The following FBXO31 variants were observed in gnomAD, a reference collection of about 807,000 sequenced individuals.
The protein encoded by FBXO31 is F-box only protein 31.
Under a neutral mutation model 54.4 loss-of-function variants are expected in FBXO31, and 24 were observed. That is an observed-to-expected ratio of 0.44 (90% CI 0.32 to 0.62). The LOEUF (loss-of-function observed/expected upper bound fraction) is 0.62. FBXO31 is among the 20% of genes least tolerant of loss of function. FBXO31 has a pLI of 0.05. For synonymous variants in FBXO31, 388 were observed against 335.6 expected (o/e 1.16, Z -1.71); for missense variants, 665 against 787.1 (o/e 0.84, Z 1.86).
chr16:87,339,891 T>C (rs1597360573), intron 5 of FBXO31, among the ~76,000 whole-genome samples: 1 of 152,158 alleles, frequency 6.6e-6, no homozygotes, highest in South Asian at 2.1e-4. Context: ...TCCCAACACT[T>C]TGGGAGGCTG....
chr16:87,380,995 C>A (rs911502866), intron 1 of FBXO31, among the ~76,000 whole-genome samples: 3 of 152,186 alleles, frequency 2.0e-5, no homozygotes, highest in Admixed American at 1.3e-4. Context: ...AACAAACCCC[C>A]CAGAGGTCAC....
In FBXO31 at chr16:87,335,783, T is replaced by A. The variant is rs181757344; in HGVS notation, c.843-326A>T. Among the ~76,000 whole-genome samples the A allele has an allele frequency of 2.0e-4, 31 of 152,066 alleles. No homozygotes were observed. Among genetic ancestry groups the A allele is most frequent in the Admixed American group, 1.6e-3 (25 of 15,290 alleles). On this transcript the variant is annotated intron_variant, in intron 6 of 8. Coordinates refer to ENST00000311635, the MANE Select transcript of FBXO31 (RefSeq NM_024735.5). This position sits in a 1 kb window ranked among gnomAD's most constrained non-coding sequence, Gnocchi z 5.7. ...GGAGCCCAAGTCACCATGGAGGGGA[T>A]CCCCGCACTGGGCTGAGCGGGGCTG...
chr16:87,385,012 A>T (rs1168261099), upstream of FBXO31, among the ~76,000 whole-genome samples: 7 of 127,490 alleles, frequency 5.5e-5, no homozygotes, highest in African/African-American at 1.3e-4. Context: ...CTGTCTCTTC[A>T]AACAAACAAA....
At chr16:87,353,984 T>A (rs868450781) in intron 2 of FBXO31, among the ~76,000 whole-genome samples, 1 of 152,272 alleles carries the variant, frequency 6.6e-6, no homozygotes, top group Non-Finnish European at 1.5e-5. Flanking sequence ...CGGCCCCCGC[T>A]GTGCTCCCAC....
At chr16:87,366,149 G>C (rs1331697781) in intron 1 of FBXO31, among the ~76,000 whole-genome samples, 2 of 152,186 alleles carry the variant, frequency 1.3e-5, no homozygotes, top group Non-Finnish European at 1.5e-5. Flanking sequence ...CTCCCAGATG[G>C]GATTCTGGGA....
At chr16:87,375,534 G>A (rs1567488295) in intron 1 of FBXO31, among the ~76,000 whole-genome samples, 1 of 151,986 alleles carries the variant, frequency 6.6e-6, no homozygotes, top group Non-Finnish European at 1.5e-5. Flanking sequence ...TGCCAAAATG[G>A]GCTGGCATTT....
chr16:87,353,921 A>C (rs895049571), intron 2 of FBXO31, among the ~76,000 whole-genome samples: 4 of 152,222 alleles, frequency 2.6e-5, no homozygotes, highest in African/African-American at 4.8e-5. Context: ...AGACTCCCAC[A>C]CCGATTAGAT....
rs554708359 is a variant in FBXO31, at chr16:87,330,286, G to A, written c.*1002C>T. On this transcript the variant is annotated 3_prime_UTR_variant, in exon 9 of 9. Transcript: ENST00000311635. The stretch of plus-strand genomic sequence containing the variant: ...TCCCACTTTCCAAAGTGTGTCCCCA[G>A]ATGCAGGTGTGGCTTTTCTAGAAAG... 6.6e-6 allele frequency: 1 copy of A among 152,432 alleles called. No homozygotes were observed. The highest frequency in any genetic ancestry group is 2.4e-5 in the African/African-American group (1 of 41,594). 9.4% of individuals were successfully genotyped at this position (152,432 alleles called of 1,614,324 possible).
intron 1 of FBXO31, chr16:87,367,413 C>T (rs1906415505): frequency 6.6e-6 from 1 of 152,238 alleles, no homozygotes. Context: ...CCCCCGACCA[C>T]TGAAGCACAT....
chr16:87,357,906 G>C (rs1468945187), intron 2 of FBXO31, among the ~76,000 whole-genome samples: 1 of 150,694 alleles, frequency 6.6e-6, no homozygotes, highest in Admixed American at 6.6e-5. Context: ...GACAGAGTGA[G>C]ACTCTGCCTC....
At chr16:87,333,156 C>G (rs1344741171) in intron 8 of FBXO31, among the ~76,000 whole-genome samples, 1 of 152,240 alleles carries the variant, frequency 6.6e-6, no homozygotes, top group African/African-American at 2.4e-5. Context: ...GCCCGTGGCA[C>G]TGAAGGCGGT....
chr16:87,363,453 T>C (rs1247619503), intron 1 of FBXO31, among the ~76,000 whole-genome samples: 1 of 152,158 alleles, frequency 6.6e-6, no homozygotes, highest in Non-Finnish European at 1.5e-5. Context: ...AGGGGCCTCC[T>C]GGGTGACCTG....
rs780050895 is a variant in FBXO31, at chr16:87,383,628, G to A, written c.117C>T (p.Pro39=). 3 of 1,437,280 alleles carry A rather than the reference G, an allele frequency of 2.1e-6. No homozygotes were observed. The Admixed American group carries it at 8.4e-5, about 40-fold the overall frequency. The allele number at this position is 1,437,280 out of a possible 1,614,324, so 89.0% of individuals were successfully genotyped here. The part of the protein sequence containing the change: ...AAADSEPDTD[P]EEERIEASAG... Reference sequence around the variant, plus strand: ...CGCTAGCCTCGATGCGCTCCTCCTCGGGGTCTGTGTCCGGCTCGCTGTCGG... The same window carrying A: ...CGCTAGCCTCGATGCGCTCCTCCTCAGGGTCTGTGTCCGGCTCGCTGTCGG... The change falls in exon 1 of 9, where the codon CCC becomes CCT. Residue 39 remains proline (P), a synonymous_variant. Coordinates refer to ENST00000311635, the MANE Select transcript of FBXO31 (RefSeq NM_024735.5). This position sits in a 1 kb window ranked among gnomAD's most constrained non-coding sequence, Gnocchi z 4.9.
intron 2 of FBXO31, among the ~76,000 whole-genome samples, chr16:87,353,924 G>A (rs1228830712): frequency 2.6e-5 from 4 of 152,240 alleles, no homozygotes; most frequent in African/African-American, 7.2e-5. Context: ...CTCCCACACC[G>A]ATTAGATGAC....
At chr16:87,368,725 T>C (rs992749392) in intron 1 of FBXO31, among the ~76,000 whole-genome samples, 1 of 152,030 alleles carries the variant, frequency 6.6e-6, no homozygotes, top group Non-Finnish European at 1.5e-5. Context: ...TCCAACATGA[T>C]TGGAGGTTGG....
At position 87,343,769 on chromosome 16, in the gene FBXO31, C is replaced by A; in HGVS notation, c.490-4G>T. 1 of 1,614,090 alleles carries A rather than the reference C, an allele frequency of 6.2e-7. No individual in the cohort carries two copies. The highest frequency in any genetic ancestry group is 8.5e-7 in the Non-Finnish European group (1 of 1,179,964). ...CGATGATGAACAGGCCGTCCACCTA[C>A]AGGAGGAGATGGGCAAAGGTCCATG... is the stretch of plus-strand genomic sequence containing the variant. On this transcript the variant is annotated splice_region_variant and splice_polypyrimidine_tract_variant and intron_variant, in intron 3 of 8. Transcript: ENST00000311635.
rs771329779 is a variant in FBXO31, at chr16:87,383,487, G to C, written c.258C>G (p.Asp86Glu). 3.1e-6 allele frequency: 5 copies of C among 1,589,574 alleles called. No individual in the cohort carries two copies. In the South Asian group the frequency reaches 4.6e-5, roughly 14 times the overall value. Residue 86 changes from aspartate (D) to glutamate (E), a missense_variant, in exon 1 of 9, where the codon GAC (aspartate) becomes GAG (glutamate). By Grantham distance (45) the Asp-to-Glu change is conservative. Around this residue, in one of 4 missense-constraint regions of FBXO31, gnomAD observed 195 missense variants for 174.8 expected, o/e 1.12. Transcript: ENST00000311635. The surrounding 1 kb of genome is among the most constrained non-coding windows in gnomAD (Gnocchi z 4.9). ...TGCAGACCTGGGCCAAGCTGGGTAG[G>C]TCCGTGCCCGGCAGCGACGCGAAGA... ...VEIFASLPGT[D>E]LPSLAQVCTK... is the part of the protein sequence containing the mutation.
chr16:87,380,003 A>G (rs113976755), intron 1 of FBXO31, among the ~76,000 whole-genome samples: 4,188 of 139,632 alleles, frequency 0.03, 84 homozygotes, highest in Middle Eastern at 0.13. Flanking sequence ...GCTCCAAAAG[A>G]AAAAAAAAAA....
intron 5 of FBXO31, among the ~76,000 whole-genome samples, chr16:87,340,117 C>T (rs547071142): frequency 6.0e-4 from 91 of 152,228 alleles, no homozygotes; most frequent in Non-Finnish European, 9.9e-4. Context: ...AACCTGTCTC[C>T]GCTAAAAATA....
Sources: gnomAD v4.1 joint callset for allele counts (sites outside exome capture counted in the v4.1 genomes callset) on GRCh38, gnomAD v4.1.1 for gene constraint, gnomAD v4.1.1 regional missense constraint, Gnocchi (gnomAD v3.1) non-coding constraint, MANE v1.5 for transcripts, NCBI Gene and HGNC (gene_info 2026-07-23, HGNC 2026-07-21) for gene names.